The following ADGRE3 variants were observed in gnomAD, a reference collection of about 807,000 sequenced individuals.
ADGRE3 encodes EGF-like module receptor 3.
A neutral mutation model predicts 80.1 loss-of-function variants in ADGRE3; 88 were observed. The ratio of observed to expected loss-of-function variants is 1.10; its 90% confidence interval spans 0.93 to 1.31. ADGRE3 has a LOEUF of 1.31. ADGRE3 is among the 40% of genes most tolerant of loss of function. The pLI, the probability that ADGRE3 is intolerant of heterozygous loss-of-function variation, is 0.00. For synonymous variants in ADGRE3, 281 were observed against 294.8 expected (o/e 0.95, Z 0.48); for missense variants, 715 against 776.5 (o/e 0.92, Z 0.94).
intron 7 of ADGRE3, among the ~76,000 whole-genome samples, chr19:14,649,415 C>T (rs1157585079): frequency 4.5e-5 from 6 of 134,274 alleles, no homozygotes; most frequent in East Asian, 4.9e-4. Flanking sequence ...TCTCTCTCCC[C>T]ATCTCTCTAA....
At chr19:14,609,410 A>G in the ADGRE3 span, among the ~76,000 whole-genome samples, 19 of 151,970 alleles carry the variant, frequency 1.3e-4, no homozygotes, top group Non-Finnish European at 2.6e-4. Context: ...TAAATCCTAC[A>G]CACTCGAGTC....
At chr19:14,642,255 T>C (rs1463247842) in intron 9 of ADGRE3, among the ~76,000 whole-genome samples, 3 of 152,176 alleles carry the variant, frequency 2.0e-5, no homozygotes, top group Admixed American at 6.5e-5. Context: ...CTCACACCTG[T>C]AATCCCAATG....
intron 10 of ADGRE3, among the ~76,000 whole-genome samples, chr19:14,638,796 C>A (rs572349322): frequency 2.6e-5 from 4 of 152,078 alleles, no homozygotes; most frequent in Non-Finnish European, 5.9e-5. Context: ...TCCACTTCCC[C>A]CCTCAACCTC....
At chr19:14,629,452 TGTGTG>T (rs1377229583) in intron 14 of ADGRE3, among the ~76,000 whole-genome samples, 1 of 152,204 alleles carries the variant, frequency 6.6e-6, no homozygotes, top group African/African-American at 2.4e-5. Flanking sequence ...TGGGCTTGGG[TGTGTG>T]ACTTTCTTTG....
the ADGRE3 span, among the ~76,000 whole-genome samples, chr19:14,606,353 TGACAGAGTGA>T: frequency 2.0e-5 from 3 of 147,640 alleles, no homozygotes; most frequent in Non-Finnish European, 4.5e-5. Flanking sequence ...CCAGTCTGGT[TGACAGAGTGA>T]GACCCTGTCT....
chr19:14,626,147 A>C (rs1485570820), intron 14 of ADGRE3, among the ~76,000 whole-genome samples: 1 of 152,068 alleles, frequency 6.6e-6, no homozygotes, highest in Non-Finnish European at 1.5e-5. Flanking sequence ...TTGTTGTAGA[A>C]AATTTATGGC....
chr19:14,634,725 C>A (rs187632124), intron 11 of ADGRE3, among the ~76,000 whole-genome samples: 32 of 152,186 alleles, frequency 2.1e-4, no homozygotes, highest in African/African-American at 7.2e-4. Flanking sequence ...AAGTTGGGAC[C>A]TAACTCTTGT....
intron 14 of ADGRE3, among the ~76,000 whole-genome samples, chr19:14,629,815 GA>G (rs962189838): frequency 5.3e-5 from 8 of 152,190 alleles, no homozygotes; most frequent in Admixed American, 4.6e-4. Context: ...AAAAAGGCAT[GA>G]TTTTTTTTTG....
downstream of ADGRE3, among the ~76,000 whole-genome samples, chr19:14,615,660 G>C (rs2075071078): frequency 6.6e-6 from 1 of 151,788 alleles, no homozygotes; most frequent in East Asian, 2.0e-4. Flanking sequence ...TACTCAGGAG[G>C]CTGAGGCAGG....
chr19:14,668,816 G>A lies in ADGRE3; in HGVS notation c.62C>T (p.Thr21Ile). ...TGAGCACTCACTTTTGGTTTTCTGA[G>A]TCACAGCTCCAAAGAGGCTCAGCAG... ...CFLLSLFGAVTQKTKTSCAKC... is the reference protein window; with the variant it reads ...CFLLSLFGAVIQKTKTSCAKC... Residue 21 changes from threonine to isoleucine, a missense_variant, in exon 2 of 16, where the codon ACT (threonine) becomes ATT (isoleucine). Coordinates refer to ENST00000253673, the MANE Select transcript of ADGRE3 (RefSeq NM_032571.5). The A allele has an allele frequency of 1.9e-6, 3 of 1,614,064 alleles. No homozygotes were observed. Among genetic ancestry groups the A allele is most frequent in the Non-Finnish European group, 2.5e-6 (3 of 1,180,012 alleles).
At chr19:14,610,187 T>C in the ADGRE3 span, 1 of 1,566,468 alleles carries the variant, frequency 6.4e-7, no homozygotes, top group Non-Finnish European at 8.7e-7. Flanking sequence ...AGCGGAAATG[T>C]TCCTGTTGAA....
At chr19:14,669,819 T>C (rs914461354) in intron 1 of ADGRE3, among the ~76,000 whole-genome samples, 2 of 152,142 alleles carry the variant, frequency 1.3e-5, no homozygotes, top group South Asian at 2.1e-4. Flanking sequence ...TTTGGGTAGA[T>C]ACCCAGTAGC....
chr19:14,654,632 C>G (rs921095595), intron 6 of ADGRE3, among the ~76,000 whole-genome samples: 2 of 152,072 alleles, frequency 1.3e-5, no homozygotes, highest in African/African-American at 4.8e-5. Context: ...TCTGAATAAA[C>G]AACTTTATTG....
chr19:14,620,334 G>A (rs1265027158), intron 15 of ADGRE3, among the ~76,000 whole-genome samples: 1 of 75,656 alleles, frequency 1.3e-5, no homozygotes, highest in Non-Finnish European at 3.0e-5. Context: ...TTACTGGCAT[G>A]AGCCACCATG....
At chr19:14,624,972 TTTTG>T (rs909979573) in intron 15 of ADGRE3, among the ~76,000 whole-genome samples, 28 of 151,528 alleles carry the variant, frequency 1.8e-4, no homozygotes, top group African/African-American at 4.1e-4. Context: ...TGTGTGCTGT[TTTTG>T]TTTGTTTGTT....
chr19:14,638,302 G>C lies in ADGRE3; in HGVS notation c.1287C>G (p.Leu429=), dbSNP rs1466018844. ...CSIIAGALHY[L]YLAAFTWMLL... ...GCATCCAGGTGAAGGCGGCCAGGTA[G>C]AGATAGTGCAAAGCACCGGCGATGA... The change falls in exon 11 of 16, where the codon CTC becomes CTG. Residue 429 remains leucine (L), a synonymous_variant. Transcript: ENST00000253673. 2.5e-6 allele frequency: 4 copies of C among 1,614,030 alleles called. No individual in the cohort carries two copies. The African/African-American group carries it at 5.3e-5, about 22-fold the overall frequency.
chr19:14,627,386 G>GT (rs969036102), intron 14 of ADGRE3, among the ~76,000 whole-genome samples: 16 of 151,188 alleles, frequency 1.1e-4, no homozygotes, highest in Admixed American at 6.6e-4. Context: ...AGTTTCTTTT[G>GT]TTTTTTTTTG....
intron 8 of ADGRE3, among the ~76,000 whole-genome samples, chr19:14,646,281 C>A (rs1307140899): frequency 1.3e-5 from 2 of 152,092 alleles, no homozygotes; most frequent in Non-Finnish European, 2.9e-5. Context: ...TGCCACCATG[C>A]CCAGCTAATT....
the ADGRE3 span, among the ~76,000 whole-genome samples, chr19:14,601,274 C>A: frequency 6.6e-6 from 1 of 152,112 alleles, no homozygotes; most frequent in Non-Finnish European, 1.5e-5. Flanking sequence ...CGAGGGAAAT[C>A]ATACATTGAC....
Sources: gnomAD v4.1 joint callset for allele counts (sites outside exome capture counted in the v4.1 genomes callset) on GRCh38, gnomAD v4.1.1 for gene constraint, MANE v1.5 for transcripts, NCBI Gene and HGNC (gene_info 2026-07-23, HGNC 2026-07-21) for gene names.